MAS1: variants seen among roughly 807,000 people sequenced by gnomAD.
The protein encoded by MAS1 is proto-oncogene Mas.
For synonymous variants in MAS1, 163 were observed against 164.2 expected (o/e 0.99, Z 0.05); for missense variants, 387 against 409.7 (o/e 0.94, Z 0.48).
Position 159,914,515 on chromosome 6 carries a change from A to G in MAS1, c.*6582A>G, listed in dbSNP as rs543748904. On this transcript the variant is annotated 3_prime_UTR_variant, in exon 3 of 3. Transcript: ENST00000674077. The stretch of plus-strand genomic sequence containing the variant: ...CTGTCAACATTTCCCAGTTCAGGGA[A>G]GATGTAAGTGGGTATCAGAACTTAA... The G allele has an allele frequency of 1.7e-4, 26 of 152,302 alleles. No individual in the cohort carries two copies. Among genetic ancestry groups the G allele is most frequent in the African/African-American group, 6.3e-4 (26 of 41,560 alleles). The allele number at this position is 152,302 out of a possible 1,614,324, so 9.4% of individuals were successfully genotyped here.
intron 2 of MAS1, among the ~76,000 whole-genome samples, chr6:159,900,349 CAG>C (rs779440606): frequency 3.3e-5 from 5 of 152,180 alleles, no homozygotes; most frequent in Admixed American, 6.5e-5. Flanking sequence ...CATCCACCGA[CAG>C]AGTTGAAGAA....
In MAS1 at chr6:159,911,990, C is replaced by G. The variant is rs147184526; in HGVS notation, c.*4057C>G. On this transcript the variant is annotated 3_prime_UTR_variant, in exon 3 of 3. Transcript: ENST00000674077. ...ATTCTCCCTCTCTGTCCTGCACCAT[C>G]AATTTCAGTCCAGGATAACGGAGGA... 1.3e-5 allele frequency: 2 copies of G among 152,474 alleles called. No homozygotes were observed. The highest frequency in any genetic ancestry group is 4.8e-5 in the African/African-American group (2 of 41,576). The allele number at this position is 152,474 out of a possible 1,614,324, so 9.4% of individuals were successfully genotyped here.
In MAS1 at chr6:159,909,559, A is replaced by G. The variant is rs1409305926; in HGVS notation, c.*1626A>G. On this transcript the variant is annotated 3_prime_UTR_variant, in exon 3 of 3. Transcript: ENST00000674077. ...AAGGCAGCTTTGCTTTCAGGAGCCC[A>G]GATGGGGTGTGGAGCAATGACATTT... 2.0e-5 allele frequency: 3 copies of G among 152,240 alleles called. No individual in the cohort carries two copies. The highest frequency in any genetic ancestry group is 4.4e-5 in the Non-Finnish European group (3 of 68,036). The allele number at this position is 152,240 out of a possible 1,614,324, so 9.4% of individuals were successfully genotyped here. A position where few individuals can be genotyped will look rare whatever the true frequency, so the allele number is the denominator to read the frequency against.
rs1328039466 is a variant in MAS1, at chr6:159,915,025, A to G, written c.*7092A>G. 6.6e-6 allele frequency: 1 copy of G among 152,212 alleles called. No individual in the cohort carries two copies. The highest frequency in any genetic ancestry group is 1.5e-5 in the Non-Finnish European group (1 of 68,070). The allele number at this position is 152,212 out of a possible 1,614,324, so 9.4% of individuals were successfully genotyped here. ...CAGCTTCTCCCCAAAGTTCTGGTGA[A>G]TTCAGGGTGGTGTTCTTGTCTTTGA... is the stretch of plus-strand genomic sequence containing the variant. On this transcript the variant is annotated 3_prime_UTR_variant, in exon 3 of 3. Coordinates refer to ENST00000674077, the MANE Select transcript of MAS1 (RefSeq NM_002377.4).
Position 159,907,544 on chromosome 6 carries a change from C to A in MAS1, c.589C>A (p.Leu197Met). The change falls in exon 3 of 3, where the codon CTG (leucine) becomes ATG (methionine). Residue 197 changes from leucine (L) to methionine (M), a missense_variant. Coordinates refer to ENST00000674077, the MANE Select transcript of MAS1 (RefSeq NM_002377.4). The part of the protein sequence containing the change: ...VIIFIAILSF[L>M]VFTPLMLVSS... ...CATCTTTATAGCCATCCTGAGCTTC[C>A]TGGTCTTCACGCCCCTCATGCTGGT... The A allele has an allele frequency of 6.2e-7, 1 of 1,614,070 alleles. No individual in the cohort carries two copies. The highest frequency in any genetic ancestry group is 1.6e-4 in the Middle Eastern group (1 of 6,062).
chr6:159,897,765 T>C (rs2115110124), intron 1 of MAS1, among the ~76,000 whole-genome samples: 1 of 152,340 alleles, frequency 6.6e-6, no homozygotes, highest in Middle Eastern at 3.4e-3. Flanking sequence ...GGTAATCATT[T>C]TTTTGATGGC....
At chr6:159,892,350 G>A (rs1782708735) in intron 1 of MAS1, among the ~76,000 whole-genome samples, 2 of 152,140 alleles carry the variant, frequency 1.3e-5, no homozygotes, top group African/African-American at 4.8e-5. Context: ...CCAGCCTAGG[G>A]TCAGGCTGTC....
rs1782959330 is a variant in MAS1, at chr6:159,911,093, C to T, written c.*3160C>T. 1 of 152,152 alleles carries T rather than the reference C, an allele frequency of 6.6e-6. No individual in the cohort carries two copies. Among genetic ancestry groups the T allele is most frequent in the South Asian group, 2.1e-4 (1 of 4,824 alleles). 9.4% of individuals were successfully genotyped at this position (152,152 alleles called of 1,614,324 possible). ...CTCCTCCCTTAAATGGACACATTTTCCATAATTCAGTGGCTGGGCCTCTGC... is the reference window on the plus strand; with the variant it reads ...CTCCTCCCTTAAATGGACACATTTTTCATAATTCAGTGGCTGGGCCTCTGC... On this transcript the variant is annotated 3_prime_UTR_variant, in exon 3 of 3. Transcript: ENST00000674077.
chr6:159,892,266 CTGTT>C (rs1782707907), intron 1 of MAS1, among the ~76,000 whole-genome samples: 1 of 152,140 alleles, frequency 6.6e-6, no homozygotes, highest in African/African-American at 2.4e-5. Context: ...AAATGGGTTT[CTGTT>C]TGTCCAGGTG....
chr6:159,910,029 A>G lies in MAS1; in HGVS notation c.*2096A>G, dbSNP rs973471758. The G allele has an allele frequency of 6.6e-6, 1 of 152,246 alleles. No homozygotes were observed. The highest frequency in any genetic ancestry group is 1.5e-5 in the Non-Finnish European group (1 of 68,040). 9.4% of individuals were successfully genotyped at this position (152,246 alleles called of 1,614,324 possible). ...AAGTGAACTGTAAGGTTAAAACTATAACAAGAAGATTTAAGTAAATTTGCA... is the reference window on the plus strand; with the variant it reads ...AAGTGAACTGTAAGGTTAAAACTATGACAAGAAGATTTAAGTAAATTTGCA... On this transcript the variant is annotated 3_prime_UTR_variant, in exon 3 of 3. Transcript: ENST00000674077.
At position 159,916,625 on chromosome 6, in the gene MAS1, AC is replaced by A. The variant is rs1783027630; in HGVS notation, c.*8693del. 6.6e-6 allele frequency: 1 copy of A among 152,188 alleles called. No homozygotes were observed. Among genetic ancestry groups the A allele is most frequent in the Non-Finnish European group, 1.5e-5 (1 of 68,050 alleles). The allele number at this position is 152,188 out of a possible 1,614,324, so 9.4% of individuals were successfully genotyped here. A position where few individuals can be genotyped will look rare whatever the true frequency, so the allele number is the denominator to read the frequency against. On this transcript the variant is annotated 3_prime_UTR_variant, in exon 3 of 3. Coordinates refer to ENST00000674077, the MANE Select transcript of MAS1 (RefSeq NM_002377.4). ...AATACTTGGGTGATGAAGGATGAAG[AC>A]AAACCTCCTCTTCATCTTCACTCCA... is the stretch of plus-strand genomic sequence containing the variant.
Position 159,907,405 on chromosome 6 carries a change from A to G in MAS1, c.450A>G (p.Ala150=), listed in dbSNP as rs1782905088. Residue 150 remains alanine (A), a synonymous_variant, in exon 3 of 3, where the codon GCA becomes GCG. Coordinates refer to ENST00000674077, the MANE Select transcript of MAS1 (RefSeq NM_002377.4). ...YRCHRPKYQS[A]LVCALLWALS... ...GCCATCGCCCCAAGTACCAGTCGGCATTGGTCTGTGCCCTTCTGTGGGCTC... is the reference window on the plus strand; with the variant it reads ...GCCATCGCCCCAAGTACCAGTCGGCGTTGGTCTGTGCCCTTCTGTGGGCTC... 1 of 1,614,010 alleles carries G rather than the reference A, an allele frequency of 6.2e-7. No homozygotes were observed. Among genetic ancestry groups the G allele is most frequent in the African/African-American group, 1.3e-5 (1 of 74,992 alleles).
rs1226769320 is a variant in MAS1 at position 159,912,044 on chromosome 6, G to A, written c.*4111G>A. ...AATTTTCAGGAATCAGGATGGAGGA[G>A]GGTTGGTGAACAGCACCACTGGCCT... On this transcript the variant is annotated 3_prime_UTR_variant, in exon 3 of 3. Transcript: ENST00000674077. 1 of 152,380 alleles carries A rather than the reference G, an allele frequency of 6.6e-6. No individual in the cohort carries two copies. Among genetic ancestry groups the A allele is most frequent in the Admixed American group, 6.5e-5 (1 of 15,280 alleles). 9.4% of individuals were successfully genotyped at this position (152,380 alleles called of 1,614,324 possible).
In MAS1 at chr6:159,915,962, T is replaced by G. The variant is rs1380182223; in HGVS notation, c.*8029T>G. On this transcript the variant is annotated 3_prime_UTR_variant, in exon 3 of 3. Transcript: ENST00000674077. Reference sequence around the variant, plus strand: ...ACTCCCAGCTCTTCCTGGCCTGCCCTGTGCTCAGGCCGAGCATGGCCTAAA... The same window carrying G: ...ACTCCCAGCTCTTCCTGGCCTGCCCGGTGCTCAGGCCGAGCATGGCCTAAA... 1 of 152,306 alleles carries G rather than the reference T, an allele frequency of 6.6e-6. No individual in the cohort carries two copies. The highest frequency in any genetic ancestry group is 1.5e-5 in the Non-Finnish European group (1 of 68,122). 9.4% of individuals were successfully genotyped at this position (152,306 alleles called of 1,614,324 possible). A position where few individuals can be genotyped will look rare whatever the true frequency, so the allele number is the denominator to read the frequency against.
intron 2 of MAS1, among the ~76,000 whole-genome samples, chr6:159,899,950 G>A (rs953764212): frequency 1.3e-5 from 2 of 152,204 alleles, no homozygotes; most frequent in African/African-American, 4.8e-5. Context: ...GGAGGCTGAG[G>A]CAGGAGAATC....
At chr6:159,905,370 C>T (rs1263774016) in intron 2 of MAS1, among the ~76,000 whole-genome samples, 1 of 152,198 alleles carries the variant, frequency 6.6e-6, no homozygotes, top group African/African-American at 2.4e-5. Context: ...GGGTCTCTGT[C>T]TACTAATTAT....
rs1459389228 is a variant in MAS1 at position 159,916,571 on chromosome 6, GC to G, written c.*8641del. 1 of 152,208 alleles carries G rather than the reference GC, an allele frequency of 6.6e-6. No homozygotes were observed. Among genetic ancestry groups the G allele is most frequent in the Non-Finnish European group, 1.5e-5 (1 of 68,052 alleles). The allele number at this position is 152,208 out of a possible 1,614,324, so 9.4% of individuals were successfully genotyped here. A position where few individuals can be genotyped will look rare whatever the true frequency, so the allele number is the denominator to read the frequency against. ...GGTGTGTTTCTCAGGATGCTGGGCA[GC>G]CCATGGCCCCGAGACAGGTGCCAAG... On this transcript the variant is annotated 3_prime_UTR_variant, in exon 3 of 3. Transcript: ENST00000674077.
In MAS1 at chr6:159,916,854, G is replaced by T. The variant is rs954084862; in HGVS notation, c.*8921G>T. ...ATGACAACTCTGTGGGTGTGTGAAA[G>T]CAGACACTGCTTAGATGAACGAGGA... On this transcript the variant is annotated 3_prime_UTR_variant, in exon 3 of 3. Transcript: ENST00000674077. 3.9e-5 allele frequency among the ~76,000 whole-genome samples: 6 copies of T among 152,386 alleles called. 1 individual carries two copies. Among genetic ancestry groups the T allele is most frequent in the Admixed American group, 2.6e-4 (4 of 15,310 alleles).
chr6:159,890,275 A>G (rs1412908093), upstream of MAS1, among the ~76,000 whole-genome samples: 2 of 152,224 alleles, frequency 1.3e-5, no homozygotes, highest in African/African-American at 4.8e-5. Context: ...AACACAAAAA[A>G]TGCAGAACAG....
Sources: allele counts gnomAD v4.1 joint callset (sites outside exome capture counted in the v4.1 genomes callset), GRCh38; gene constraint gnomAD v4.1.1; transcripts MANE v1.5; gene names NCBI Gene and HGNC (gene_info 2026-07-23, HGNC 2026-07-21).